The following ZHX2 variants were observed in gnomAD, a reference collection of about 807,000 sequenced individuals.
ZHX2 encodes the protein zinc fingers and homeoboxes 2.
Under a neutral mutation model 21.9 loss-of-function variants are expected in ZHX2, and 6 were observed. The observed-to-expected ratio is 0.27, with a 90% CI of 0.15 to 0.54. The LOEUF (loss-of-function observed/expected upper bound fraction) is 0.54, where lower values mean the gene tolerates loss of function less well. Among genes scored for constraint, ZHX2 ranks in the 20% least tolerant of loss-of-function variants. The probability of loss-of-function intolerance (pLI) is 0.95; values close to 1 mark genes in which losing one functional copy is unlikely to be tolerated. For missense variants in ZHX2, 908 were observed against 1,090.7 expected (o/e 0.83, Z 2.36); for synonymous variants, 434 against 437.1 (o/e 0.99, Z 0.09).
In ZHX2 at chr8:122,953,877, C is replaced by A. The variant is rs200959981; in HGVS notation, c.2367C>A (p.Ser789Arg). The change falls in exon 3 of 4, where the codon AGC becomes AGA. Residue 789 changes from serine to arginine, a missense_variant. Around this residue, in one of 4 missense-constraint regions of ZHX2, gnomAD observed 431 missense variants for 428.6 expected, o/e 1.01. Transcript: ENST00000314393. The surrounding 1 kb of genome is among the most constrained non-coding windows in gnomAD (Gnocchi z 4.6). ...GTAGCGACGAGAACGAGGAGTCGAGCGTTGTGGATTACGTGGAGGTGACGG... is the reference window on the plus strand; with the variant it reads ...GTAGCGACGAGAACGAGGAGTCGAGAGTTGTGGATTACGTGGAGGTGACGG... The part of the protein sequence containing the change: ...GQGSDENEES[S>R]VVDYVEVTVG... 4.3e-6 allele frequency: 7 copies of A among 1,614,134 alleles called. No individual in the cohort carries two copies. The highest frequency in any genetic ancestry group is 1.7e-5 in the Admixed American group (1 of 60,024).
intron 2 of ZHX2, among the ~76,000 whole-genome samples, chr8:122,901,311 T>G (rs904991943): frequency 1.3e-5 from 2 of 152,216 alleles, no homozygotes; most frequent in East Asian, 1.9e-4. Flanking sequence ...AATGTCATTG[T>G]GCATCTGGAT....
intron 2 of ZHX2, among the ~76,000 whole-genome samples, chr8:122,949,328 G>A (rs55757407): frequency 0.25 from 38,457 of 151,272 alleles, 5,981 homozygotes; most frequent in South Asian, 0.39. Context: ...TATCTGAAAA[G>A]AAAAAAAGGA....
At chr8:122,791,866 T>TTA (rs1554622601) in intron 1 of ZHX2, among the ~76,000 whole-genome samples, 5 of 135,032 alleles carry the variant, frequency 3.7e-5, no homozygotes, top group Non-Finnish European at 8.0e-5. Context: ...CTCCATCTCA[T>TTA]AAAAAAAAAA....
intron 1 of ZHX2, among the ~76,000 whole-genome samples, chr8:122,814,569 AG>A (rs1817992779): frequency 6.6e-6 from 1 of 152,244 alleles, no homozygotes; most frequent in Admixed American, 6.5e-5. Flanking sequence ...AGAAAATAGA[AG>A]TCACTATAAT....
intron 2 of ZHX2, among the ~76,000 whole-genome samples, chr8:122,868,958 C>T (rs1819366800): frequency 1.3e-5 from 2 of 152,204 alleles, no homozygotes; most frequent in South Asian, 4.1e-4. Flanking sequence ...AGCCGAGACT[C>T]ATTAGGACTC....
At chr8:122,783,478 C>G (rs998283155) in intron 1 of ZHX2, among the ~76,000 whole-genome samples, 4 of 151,914 alleles carry the variant, frequency 2.6e-5, no homozygotes, top group South Asian at 2.1e-4. Context: ...CCCACAATTA[C>G]CCTCTTAAAA....
chr8:122,907,021 G>A (rs780704636), intron 2 of ZHX2, among the ~76,000 whole-genome samples: 5 of 152,196 alleles, frequency 3.3e-5, no homozygotes, highest in Non-Finnish European at 7.4e-5. Flanking sequence ...AAATTTAAGT[G>A]GTTTCGACTT....
At chr8:122,922,238 G>C (rs1563585233) in intron 2 of ZHX2, among the ~76,000 whole-genome samples, 1 of 147,198 alleles carries the variant, frequency 6.8e-6, no homozygotes, top group African/African-American at 2.5e-5. Flanking sequence ...CTAGTGTGTT[G>C]CTATGGAAAG....
chr8:122,854,948 C>T (rs941690008), intron 1 of ZHX2, among the ~76,000 whole-genome samples: 5 of 152,232 alleles, frequency 3.3e-5, no homozygotes, highest in African/African-American at 9.6e-5. Context: ...TTTCCGATGT[C>T]TACCACTAGC....
chr8:122,781,060 T>C (rs151030986), upstream of ZHX2: 1 of 152,342 alleles, frequency 6.6e-6, no homozygotes, highest in African/African-American at 2.4e-5. This position sits in a 1 kb window ranked among gnomAD's most constrained non-coding sequence, Gnocchi z 4.6. Context: ...GAGTAAAATG[T>C]GTCTCGCTCA....
At chr8:122,851,351 A>C (rs1586326430) in intron 1 of ZHX2, among the ~76,000 whole-genome samples, 1 of 152,108 alleles carries the variant, frequency 6.6e-6, no homozygotes, top group Non-Finnish European at 1.5e-5. Flanking sequence ...TAAGTTTGGG[A>C]AGTCTCTCAA....
intron 2 of ZHX2, among the ~76,000 whole-genome samples, chr8:122,910,478 C>G (rs1001221367): frequency 6.6e-6 from 1 of 152,156 alleles, no homozygotes; most frequent in Non-Finnish European, 1.5e-5. Flanking sequence ...GTTGTGAAAT[C>G]GGTTTAGCAG....
At chr8:122,864,894 G>A (rs1431207936) in intron 2 of ZHX2, among the ~76,000 whole-genome samples, 1 of 152,138 alleles carries the variant, frequency 6.6e-6, no homozygotes, top group Admixed American at 6.5e-5. Context: ...TTTGTAACTG[G>A]GTCTTCTTCC....
In ZHX2 at chr8:122,838,082, G is replaced by A. The variant is rs75029753; in HGVS notation, c.-282-25395G>A. Among the ~76,000 whole-genome samples, 405 of 152,298 alleles carry A rather than the reference G, an allele frequency of 2.7e-3. 6 individuals carry two copies. The highest frequency in any genetic ancestry group is 9.4e-3 in the African/African-American group (390 of 41,548). Reference sequence around the variant, plus strand: ...GATTTGCATTTCTAATAAGAGCCCCGTCTGGGTGTGCTTTAGCCCAGTGGC... The same window carrying A: ...GATTTGCATTTCTAATAAGAGCCCCATCTGGGTGTGCTTTAGCCCAGTGGC... On this transcript the variant is annotated intron_variant, in intron 1 of 3. Transcript: ENST00000314393.
chr8:122,834,701 C>T (rs117604698), intron 1 of ZHX2, among the ~76,000 whole-genome samples: 3,639 of 152,166 alleles, frequency 0.024, 82 homozygotes, highest in Non-Finnish European at 0.034. Context: ...GGAGATGAAC[C>T]GAAGGTTTAA....
chr8:122,869,056 T>G (rs887235971), intron 2 of ZHX2, among the ~76,000 whole-genome samples: 1 of 152,136 alleles, frequency 6.6e-6, no homozygotes, highest in Non-Finnish European at 1.5e-5. Flanking sequence ...CAGCCTCCAG[T>G]CCTCTCTGGC....
At chr8:122,958,449 T>C (rs1813361494) in intron 3 of ZHX2, among the ~76,000 whole-genome samples, 1 of 152,212 alleles carries the variant, frequency 6.6e-6, no homozygotes, top group Non-Finnish European at 1.5e-5. Flanking sequence ...TCAAATGGAA[T>C]ATTCCGTTAC....
At chr8:122,865,229 T>C (rs566532755) in intron 2 of ZHX2, among the ~76,000 whole-genome samples, 2 of 151,730 alleles carry the variant, frequency 1.3e-5, no homozygotes, top group East Asian at 3.9e-4. Flanking sequence ...CCCAGGTTCA[T>C]GCCATTCTCC....
chr8:122,802,960 C>A (rs1817748850), intron 1 of ZHX2, among the ~76,000 whole-genome samples: 1 of 151,668 alleles, frequency 6.6e-6, no homozygotes, highest in African/African-American at 2.4e-5. Context: ...CCCACCCCAC[C>A]CCACCCCGCC....
Sources: gnomAD v4.1 joint callset for allele counts (sites outside exome capture counted in the v4.1 genomes callset) on GRCh38, gnomAD v4.1.1 for gene constraint, gnomAD v4.1.1 regional missense constraint, Gnocchi (gnomAD v3.1) non-coding constraint, MANE v1.5 for transcripts, NCBI Gene and HGNC (gene_info 2026-07-23, HGNC 2026-07-21) for gene names.